The following ADCY6 variants were observed in gnomAD, a reference collection of about 807,000 sequenced individuals.
The protein encoded by ADCY6 is adenylate cyclase 6.
ADCY6 carries 59 observed loss-of-function variants against 111.6 expected under a neutral mutation model. The observed-to-expected ratio is 0.53, with a 90% confidence interval of 0.43 to 0.66. The LOEUF (loss-of-function observed/expected upper bound fraction) is 0.66, where lower values mean the gene tolerates loss of function less well. Among genes scored for constraint, ADCY6 ranks in the 30% least tolerant of loss-of-function variants. The pLI, the probability that ADCY6 is intolerant of heterozygous loss-of-function variation, is 0.00. For missense variants in ADCY6, 1,242 were observed against 1,595.6 expected, an observed-to-expected ratio of 0.78 and a Z score of 3.78; for synonymous variants, 576 against 642.9, an observed-to-expected ratio of 0.90 and a Z score of 1.57.
chr12:48,787,018 G>C (rs1384641863), intron 1 of ADCY6, among the ~76,000 whole-genome samples: 1 of 152,194 alleles, frequency 6.6e-6, no homozygotes, highest in Non-Finnish European at 1.5e-5. Context: ...CCAAACCTCT[G>C]TCATCGTCAA....
intron 16 of ADCY6, 58 bp downstream of exon 16, chr12:48,773,399 AGAGGCTCACAGT>A (rs1941603287): frequency 6.5e-7 from 1 of 1,531,068 alleles, no homozygotes; most frequent in Non-Finnish European, 8.9e-7. Flanking sequence ...TGGGCACCAG[AGAGGCTCACAGT>A]GACCTAGAAA....
At chr12:48,779,540 C>T (rs972926323) in intron 2 of ADCY6, among the ~76,000 whole-genome samples, 3 of 152,120 alleles carry the variant, frequency 2.0e-5, no homozygotes, top group African/African-American at 4.8e-5. Context: ...CTGGCCACCC[C>T]TCAAGGTGTA....
At chr12:48,769,114 G>T (rs1345385767) in intron 20 of ADCY6, 53 bp from the exon 21 acceptor site, 3 of 1,488,344 alleles carry the variant, frequency 2.0e-6, no homozygotes, top group Non-Finnish European at 2.7e-6. Context: ...GTAAACCCAG[G>T]GAGTCATCCC....
rs377323905 is a variant in ADCY6 at position 48,782,766 on chromosome 12, C to T, written c.669G>A (p.Gln223=). 6.2e-6 allele frequency: 10 copies of T among 1,612,144 alleles called. No individual in the cohort carries two copies. The highest frequency in any genetic ancestry group is 3.3e-4 in the Middle Eastern group (2 of 6,060). Residue 223 remains glutamine (Q), a synonymous_variant, in exon 2 of 22, where the codon CAG becomes CAA. Coordinates refer to ENST00000357869, the MANE Select transcript of ADCY6 (RefSeq NM_015270.5). The surrounding 1 kb of genome is among the most constrained non-coding windows in gnomAD (Gnocchi z 4.3). ...YVVLGILAAV[Q]VGGALAADPR... ...GGTCTGCTGCGAGAGCGCCCCCGACCTGCACTGCCGCCAGGATGCCCAGCA... is the reference window on the plus strand; with the variant it reads ...GGTCTGCTGCGAGAGCGCCCCCGACTTGCACTGCCGCCAGGATGCCCAGCA...
At position 48,771,889 on chromosome 12, in the gene ADCY6, C is replaced by G. The variant is rs756654985; in HGVS notation, c.2872G>C (p.Ala958Pro). The change falls in exon 19 of 22, where the codon GCC becomes CCC. Residue 958 changes from alanine (A) to proline (P), a missense_variant. Physicochemically the swap from Ala to Pro is conservative, Grantham distance 27. Transcript: ENST00000357869. The surrounding 1 kb of genome is among the most constrained non-coding windows in gnomAD (Gnocchi z 4.3). ...LHNILPKDVA[A>P]HFLARERRND... Reference sequence around the variant, plus strand: ...CGGCGCTCCCGGGCCAGGAAGTGGGCCGCCACGTCCTTGGGCAGAATGTTA... The same window carrying G: ...CGGCGCTCCCGGGCCAGGAAGTGGGGCGCCACGTCCTTGGGCAGAATGTTA... The G allele has an allele frequency of 6.2e-7, 1 of 1,614,164 alleles. No homozygotes were observed. The highest frequency in any genetic ancestry group is 8.5e-7 in the Non-Finnish European group (1 of 1,180,052).
At chr12:48,778,614 C>T (rs1299827599) in intron 2 of ADCY6, among the ~76,000 whole-genome samples, 1 of 152,214 alleles carries the variant, frequency 6.6e-6, no homozygotes, top group African/African-American at 2.4e-5. Flanking sequence ...TGCAGGTGCT[C>T]CTCCTTAAGG....
intron 2 of ADCY6, among the ~76,000 whole-genome samples, chr12:48,781,865 G>C (rs577405705): frequency 1.3e-5 from 2 of 152,326 alleles, no homozygotes; most frequent in East Asian, 3.9e-4. Context: ...CATGGACAGA[G>C]AACCTCAAGG....
chr12:48,776,616 T>TG lies in ADCY6; in HGVS notation c.1377-31dup. The TG allele has an allele frequency of 6.3e-7, 1 of 1,584,178 alleles. No individual in the cohort carries two copies. Among genetic ancestry groups the TG allele is most frequent in the Non-Finnish European group, 8.6e-7 (1 of 1,167,472 alleles). ...GAGGATGCAGCCCCAGATCAGCTCC[T>TG]GGCAGTCTTCCCCTCCCCCAGCCCA... is the stretch of plus-strand genomic sequence containing the variant. On this transcript the variant is annotated intron_variant, in intron 6 of 21. Coordinates refer to ENST00000357869, the MANE Select transcript of ADCY6 (RefSeq NM_015270.5). This position sits in a 1 kb window ranked among gnomAD's most constrained non-coding sequence, Gnocchi z 6.1.
At position 48,770,845 on chromosome 12, in the gene ADCY6, C is replaced by T. The variant is rs1941517540; in HGVS notation, c.3177G>A (p.Leu1059=). 6.2e-7 allele frequency: 1 copy of T among 1,614,248 alleles called. No individual in the cohort carries two copies. ...CCATGAGCCGCATGGCGTAGTCAGC[C>T]AGGGCAGTGATGTGGGAGCGGCCCA... ...DQVGRSHITA[L]ADYAMRLMEQ... is the part of the protein sequence containing the mutation. Residue 1059 remains leucine (L), a synonymous_variant, in exon 20 of 22, where the codon CTG becomes CTA. Transcript: ENST00000357869.
rs375426130 is a variant in ADCY6, at chr12:48,774,679, C to T, written c.2166+12G>A. On this transcript the variant is annotated intron_variant, in intron 13 of 21. Coordinates refer to ENST00000357869, the MANE Select transcript of ADCY6 (RefSeq NM_015270.5). ...TGCCCTCCCCAACAGCCTCAGAAAT[C>T]CCCTTACGTACAGAACCACAGGAGT... is the stretch of plus-strand genomic sequence containing the variant. 2.4e-5 allele frequency: 38 copies of T among 1,613,442 alleles called. No homozygotes were observed. The highest frequency in any genetic ancestry group is 2.2e-4 in the South Asian group (20 of 91,032).
At chr12:48,770,570 A>G (rs1255237729) in intron 20 of ADCY6, among the ~76,000 whole-genome samples, 196 bp downstream of exon 20, 2 of 152,206 alleles carry the variant, frequency 1.3e-5, no homozygotes, top group African/African-American at 2.4e-5. Context: ...TATCAGGATT[A>G]AAATATGCTC....
Position 48,776,244 on chromosome 12 carries a change from C to T in ADCY6, c.1642G>A (p.Glu548Lys). 1 of 1,614,238 alleles carries T rather than the reference C, an allele frequency of 6.2e-7. No homozygotes were observed. Among genetic ancestry groups the T allele is most frequent in the Admixed American group, 1.7e-5 (1 of 60,034 alleles). Residue 548 changes from glutamate to lysine, a missense_variant, in exon 8 of 22, where the codon GAG becomes AAG. Coordinates refer to ENST00000357869, the MANE Select transcript of ADCY6 (RefSeq NM_015270.5). This position sits in a 1 kb window ranked among gnomAD's most constrained non-coding sequence, Gnocchi z 6.1. ...CTGGCGCCCAGGATGAGGAAAGTCT[C>T]AATGTGCTGCTCCTTGAGGTACGCG... ...RNAYLKEQHI[E>K]TFLILGASQK...
chr12:48,786,981 T>G (rs1249583687), intron 1 of ADCY6, among the ~76,000 whole-genome samples: 2 of 152,222 alleles, frequency 1.3e-5, no homozygotes, highest in Non-Finnish European at 2.9e-5. Context: ...ATATTAGTTC[T>G]TCTCCTCACT....
chr12:48,773,765 A>G, intron 15 of ADCY6, 118 bp from the exon 16 acceptor site: 1 of 1,456,656 alleles, frequency 6.9e-7, no homozygotes, highest in Non-Finnish European at 9.5e-7. Flanking sequence ...TCAAACCCCC[A>G]TATCCTCCAC....
intron 2 of ADCY6, among the ~76,000 whole-genome samples, chr12:48,779,054 AT>A (rs1481433502): frequency 6.6e-6 from 1 of 150,764 alleles, no homozygotes; most frequent in Non-Finnish European, 1.5e-5. Flanking sequence ...ATTTTTGTAT[AT>A]TTTTTTAGTA....
Position 48,777,038 on chromosome 12 carries a change from T to C in ADCY6, c.1376+66A>G. On this transcript the variant is annotated intron_variant, in intron 6 of 21. Coordinates refer to ENST00000357869, the MANE Select transcript of ADCY6 (RefSeq NM_015270.5). The surrounding 1 kb of genome is among the most constrained non-coding windows in gnomAD (Gnocchi z 4.9). ...ACTGAGGAAATCTCCTGAGGTCTCA[T>C]CAAAAAGTAGGAGCAGTCTGGGGCA... 1 of 1,519,806 alleles carries C rather than the reference T, an allele frequency of 6.6e-7. No homozygotes were observed. The highest frequency in any genetic ancestry group is 2.3e-5 in the East Asian group (1 of 43,830). 94.1% of individuals were successfully genotyped at this position (1,519,806 alleles called of 1,614,324 possible).
Position 48,772,616 on chromosome 12 carries a change from C to T in ADCY6, c.2622-73G>A, listed in dbSNP as rs1403817992. The T allele has an allele frequency of 4.5e-6, 7 of 1,547,446 alleles. No individual in the cohort carries two copies. In the African/African-American group the frequency reaches 8.2e-5, roughly 18 times the overall value. On this transcript the variant is annotated intron_variant, in intron 16 of 21. Transcript: ENST00000357869. ...CTGGGTGGGCACATGGAAGGGGAGACAAGAGACTGCATTTACTGAGCACAT... is the reference window on the plus strand; with the variant it reads ...CTGGGTGGGCACATGGAAGGGGAGATAAGAGACTGCATTTACTGAGCACAT...
Position 48,771,814 on chromosome 12 carries a change from C to T in ADCY6, c.2947G>A (p.Ala983Thr), listed in dbSNP as rs1396082228. 1 of 1,614,216 alleles carries T rather than the reference C, an allele frequency of 6.2e-7. No individual in the cohort carries two copies. Among genetic ancestry groups the T allele is most frequent in the Admixed American group, 1.7e-5 (1 of 60,028 alleles). ...AACTCAGAGAAGTTGGCAATGGAGG[C>T]AAACATAACAGCCACACACTCACAC... ...QSCECVAVMF[A>T]SIANFSEFYV... The change falls in exon 19 of 22, where the codon GCC becomes ACC. Residue 983 changes from alanine to threonine, a missense_variant. Around this residue, in one of 4 missense-constraint regions of ADCY6, gnomAD observed 245 missense variants for 371.3 expected, o/e 0.66. Transcript: ENST00000357869. This position sits in a 1 kb window ranked among gnomAD's most constrained non-coding sequence, Gnocchi z 4.3.
rs575305400 is a variant in ADCY6, at chr12:48,766,716, G to A, written c.*1875C>T. 2.6e-5 allele frequency: 4 copies of A among 152,590 alleles called. No homozygotes were observed. The highest frequency in any genetic ancestry group is 4.4e-5 in the Non-Finnish European group (3 of 68,054). The allele number at this position is 152,590 out of a possible 1,614,324, so 9.5% of individuals were successfully genotyped here. A position where few individuals can be genotyped will look rare whatever the true frequency, so the allele number is the denominator to read the frequency against. ...TCCACAGGGAGCTGGTGTCAGAAGG[G>A]GCATGAGGAGGGGCAAGTGCACTGC... On this transcript the variant is annotated 3_prime_UTR_variant, in exon 22 of 22. Transcript: ENST00000357869.
Sources: gnomAD v4.1 joint callset for allele counts (sites outside exome capture counted in the v4.1 genomes callset) on GRCh38, gnomAD v4.1.1 for gene constraint, gnomAD v4.1.1 regional missense constraint, Gnocchi (gnomAD v3.1) non-coding constraint, MANE v1.5 for transcripts, NCBI Gene and HGNC (gene_info 2026-07-23, HGNC 2026-07-21) for gene names.